COX7B2: variants seen among roughly 807,000 people sequenced by gnomAD.
COX7B2 encodes the protein cytochrome c oxidase subunit 7B2, mitochondrial.
For synonymous variants in COX7B2, 37 were observed against 32.1 expected (o/e 1.15, Z -0.51); for missense variants, 109 against 95.9 (o/e 1.14, Z -0.57).
chr4:46,741,078 C>A (rs1714675975), intron 2 of COX7B2, among the ~76,000 whole-genome samples: 1 of 152,086 alleles, frequency 6.6e-6, no homozygotes, highest in Admixed American at 6.6e-5. Flanking sequence ...AAAATAATAA[C>A]TGTATCCAGT....
At chr4:46,884,984 T>C (rs7661550) in intron 1 of COX7B2, among the ~76,000 whole-genome samples, 78,458 of 151,682 alleles carry the variant, frequency 0.52, 20,506 homozygotes, top group East Asian at 0.67. Flanking sequence ...TTTATAAACT[T>C]GTTTGTAATT....
chr4:46,765,730 G>C (rs756140650), intron 2 of COX7B2, among the ~76,000 whole-genome samples: 1 of 151,616 alleles, frequency 6.6e-6, no homozygotes, highest in Non-Finnish European at 1.5e-5. Flanking sequence ...CTCCAGGCTG[G>C]ACCCTGGGGC....
chr4:46,747,046 C>G (rs1433183699), intron 2 of COX7B2, among the ~76,000 whole-genome samples: 2 of 152,084 alleles, frequency 1.3e-5, no homozygotes, highest in Non-Finnish European at 2.9e-5. Flanking sequence ...CTTTCCCAAA[C>G]AAACAGACCA....
At chr4:46,752,223 T>G (rs1357983364) in intron 2 of COX7B2, among the ~76,000 whole-genome samples, 2 of 152,132 alleles carry the variant, frequency 1.3e-5, no homozygotes, top group East Asian at 3.9e-4. Flanking sequence ...TTTGTTTGTC[T>G]GTTATTGGTG....
At chr4:46,903,485 T>C (rs924014754) in intron 1 of COX7B2, among the ~76,000 whole-genome samples, 1 of 151,986 alleles carries the variant, frequency 6.6e-6, no homozygotes, top group African/African-American at 2.4e-5. Flanking sequence ...ATAAATTCAG[T>C]GTAGCCTAAG....
At chr4:46,784,178 A>C (rs964569802) in intron 2 of COX7B2, among the ~76,000 whole-genome samples, 2 of 152,218 alleles carry the variant, frequency 1.3e-5, no homozygotes, top group African/African-American at 4.8e-5. Flanking sequence ...AAAATTAAAA[A>C]GGAGAGGGTA....
chr4:46,766,937 G>A (rs1716577868), intron 2 of COX7B2, among the ~76,000 whole-genome samples: 2 of 151,982 alleles, frequency 1.3e-5, no homozygotes, highest in African/African-American at 4.8e-5. Context: ...TAAAGCAAGA[G>A]AGGAAGAAAA....
At chr4:46,880,412 C>CTTTTTTTTTTTTTTTTTT (rs548281459) in intron 1 of COX7B2, among the ~76,000 whole-genome samples, 1 of 85,608 alleles carries the variant, frequency 1.2e-5, no homozygotes, top group Non-Finnish European at 2.2e-5. Context: ...AGGTCCTGGG[C>CTTTTTTTTTTTTTTTTTT]TTTTTTTTTT....
At chr4:46,872,479 TATAA>T (rs1251122161) in intron 1 of COX7B2, among the ~76,000 whole-genome samples, 1 of 152,092 alleles carries the variant, frequency 6.6e-6, no homozygotes. Context: ...AAATAAAAGT[TATAA>T]ATAAATAGAT....
chr4:46,784,358 G>A (rs1252976280), intron 2 of COX7B2, among the ~76,000 whole-genome samples: 1 of 152,168 alleles, frequency 6.6e-6, no homozygotes, highest in Non-Finnish European at 1.5e-5. Flanking sequence ...CGGGTGCGGT[G>A]GCTTATGCCT....
At chr4:46,826,174 C>T (rs1387148567) in intron 2 of COX7B2, among the ~76,000 whole-genome samples, 3 of 151,820 alleles carry the variant, frequency 2.0e-5, no homozygotes, top group Non-Finnish European at 4.4e-5. Context: ...TAAAAATTTA[C>T]AAGAGAAAAA....
At chr4:46,888,668 G>A (rs959986805) in intron 1 of COX7B2, among the ~76,000 whole-genome samples, 8 of 151,988 alleles carry the variant, frequency 5.3e-5, no homozygotes, top group African/African-American at 1.2e-4. Flanking sequence ...GGATGGTCTC[G>A]ATCTCCTGAC....
chr4:46,776,836 T>A lies in COX7B2; in HGVS notation c.-49-41595A>T, dbSNP rs1032210005. Among the ~76,000 whole-genome samples, 8 of 152,138 alleles carry A rather than the reference T, an allele frequency of 5.3e-5. 1 individual carries two copies. The South Asian group carries it at 1.0e-3, about 20-fold the overall frequency. On this transcript the variant is annotated intron_variant, in intron 2 of 2. Coordinates refer to ENST00000355591, the MANE Select transcript of COX7B2 (RefSeq NM_130902.3). ...CAACATAGGATCTCCAACAGTTCTA[T>A]CCCAGAGATTCAGGGCTTTTCTTGA... is the stretch of plus-strand genomic sequence containing the variant.
chr4:46,780,404 C>A (rs572305129), intron 2 of COX7B2, among the ~76,000 whole-genome samples: 2 of 152,232 alleles, frequency 1.3e-5, no homozygotes, highest in African/African-American at 4.8e-5. Context: ...ATTGTCCCAG[C>A]TACTTGGGAG....
chr4:46,827,488 G>T (rs1445324196), intron 2 of COX7B2, among the ~76,000 whole-genome samples: 4 of 152,200 alleles, frequency 2.6e-5, no homozygotes, highest in Admixed American at 2.6e-4. Flanking sequence ...AAGTTTTTCA[G>T]CCAAATTCTG....
chr4:46,797,262 A>C (rs1718413113), intron 2 of COX7B2, among the ~76,000 whole-genome samples: 1 of 152,072 alleles, frequency 6.6e-6, no homozygotes, highest in African/African-American at 2.4e-5. Flanking sequence ...AGGTAAAAGT[A>C]AGACCTTTTG....
chr4:46,772,207 A>G (rs901241362), intron 2 of COX7B2, among the ~76,000 whole-genome samples: 9 of 152,172 alleles, frequency 5.9e-5, no homozygotes, highest in Non-Finnish European at 1.2e-4. Flanking sequence ...GACAAATACA[A>G]TACTGGTTAA....
At chr4:46,837,036 T>C (rs558914693) in intron 2 of COX7B2, among the ~76,000 whole-genome samples, 1 of 152,244 alleles carries the variant, frequency 6.6e-6, no homozygotes, top group Non-Finnish European at 1.5e-5. Context: ...ATCCACTTCA[T>C]ATTTAAATAC....
chr4:46,908,168 T>A (rs2109914680), intron 1 of COX7B2, among the ~76,000 whole-genome samples: 1 of 152,128 alleles, frequency 6.6e-6, no homozygotes, highest in East Asian at 1.9e-4. Context: ...GAGCAGACTA[T>A]CTATGCCCCC....
Sources: gnomAD v4.1 joint callset for allele counts (sites outside exome capture counted in the v4.1 genomes callset) on GRCh38, gnomAD v4.1.1 for gene constraint, MANE v1.5 for transcripts, NCBI Gene and HGNC (gene_info 2026-07-23, HGNC 2026-07-21) for gene names.